SGIP1: variants seen among roughly 807,000 people sequenced by gnomAD.
The protein encoded by SGIP1 is SH3GL interacting endocytic adaptor 1.
Under a neutral mutation model 107.5 loss-of-function variants are expected in SGIP1, and 38 were observed. The ratio of observed to expected loss-of-function variants is 0.35; its 90% CI spans 0.27 to 0.46. SGIP1 has a LOEUF of 0.46. SGIP1 is among the 20% of genes least tolerant of loss of function. The probability of loss-of-function intolerance (pLI) is 1.00; values close to 1 mark genes in which losing one functional copy is unlikely to be tolerated. For synonymous variants in SGIP1, 365 were observed against 366.1 expected (o/e 1.00, Z 0.03); for missense variants, 929 against 1,019.5 (o/e 0.91, Z 1.21).
At position 66,744,287 on chromosome 1, in the gene SGIP1, C is replaced by T. The variant is rs965712205; in HGVS notation, c.*1192C>T. 3 of 152,074 alleles carry T rather than the reference C, an allele frequency of 2.0e-5. No individual in the cohort carries two copies. The highest frequency in any genetic ancestry group is 2.9e-5 in the Non-Finnish European group (2 of 67,956). The allele number at this position is 152,074 out of a possible 1,614,324, so 9.4% of individuals were successfully genotyped here. A position where few individuals can be genotyped will look rare whatever the true frequency, so the allele number is the denominator to read the frequency against. On this transcript the variant is annotated 3_prime_UTR_variant, in exon 25 of 25. Coordinates refer to ENST00000371037, the MANE Select transcript of SGIP1 (RefSeq NM_032291.4). Reference sequence around the variant, plus strand: ...CATTGTATAAAACTGTAAATCTTTGCCATTCTTGGAGAAGCAAAAGGAGAG... The same window carrying T: ...CATTGTATAAAACTGTAAATCTTTGTCATTCTTGGAGAAGCAAAAGGAGAG...
chr1:66,695,591 G>C, intron 18 of SGIP1, 98 bp downstream of exon 18: 1 of 1,173,202 alleles, frequency 8.5e-7, no homozygotes. Context: ...CAAAAGTTCT[G>C]GTCTCACTTT....
rs1037159650 is a variant in SGIP1 at position 66,575,602 on chromosome 1, C to T, written c.10+41234C>T. On this transcript the variant is annotated intron_variant, in intron 1 of 24. Coordinates refer to ENST00000371037, the MANE Select transcript of SGIP1 (RefSeq NM_032291.4). Reference sequence around the variant, plus strand: ...GGGTCTTCAGGAAAGTCATGCTGGCCCACTGGGGTTCAGTTTTCACCAATA... The same window carrying T: ...GGGTCTTCAGGAAAGTCATGCTGGCTCACTGGGGTTCAGTTTTCACCAATA... Among the ~76,000 whole-genome samples the T allele has an allele frequency of 2.0e-5, 3 of 152,202 alleles. No homozygotes were observed. In the South Asian group the frequency reaches 6.2e-4, roughly 32 times the overall value.
At chr1:66,648,587 G>A (rs1249825958) in intron 7 of SGIP1, among the ~76,000 whole-genome samples, 1 of 152,102 alleles carries the variant, frequency 6.6e-6, no homozygotes, top group Non-Finnish European at 1.5e-5. Flanking sequence ...GAACAACACT[G>A]CGTTTGAGAG....
intron 1 of SGIP1, among the ~76,000 whole-genome samples, chr1:66,566,466 C>T (rs2059655543): frequency 6.6e-6 from 1 of 151,910 alleles, no homozygotes; most frequent in South Asian, 2.1e-4. Flanking sequence ...CTTTCTATCA[C>T]TTTTTGAGTA....
At chr1:66,587,772 C>T (rs1210813807) in intron 1 of SGIP1, among the ~76,000 whole-genome samples, 1 of 151,962 alleles carries the variant, frequency 6.6e-6, no homozygotes, top group Non-Finnish European at 1.5e-5. Context: ...CTTAAATAAG[C>T]CCACTTTTTC....
intron 1 of SGIP1, among the ~76,000 whole-genome samples, chr1:66,576,572 A>G (rs2061096669): frequency 1.3e-5 from 2 of 152,218 alleles, no homozygotes; most frequent in African/African-American, 4.8e-5. Flanking sequence ...CATTTTTCTT[A>G]TTACCTCAAC....
intron 1 of SGIP1, among the ~76,000 whole-genome samples, chr1:66,540,639 G>A (rs187470680): frequency 2.0e-5 from 3 of 152,196 alleles, no homozygotes; most frequent in Admixed American, 2.0e-4. Flanking sequence ...CAGTGGCAAT[G>A]TCATGGAATA....
At position 66,690,507 on chromosome 1, in the gene SGIP1, C is replaced by A. The variant is rs1255492637; in HGVS notation, c.1570+191C>A. The A allele has an allele frequency of 3.1e-5, 21 of 672,620 alleles. 1 individual carries two copies. 41.7% of individuals were successfully genotyped at this position (672,620 alleles called of 1,614,324 possible). A position where few individuals can be genotyped will look rare whatever the true frequency, so the allele number is the denominator to read the frequency against. ...AAAGTGCTTTACCTAAGCAAATGAACAAATAAAAGAACATTAACACCTGTG... is the reference window on the plus strand; with the variant it reads ...AAAGTGCTTTACCTAAGCAAATGAAAAAATAAAAGAACATTAACACCTGTG... On this transcript the variant is annotated intron_variant, in intron 17 of 24. Coordinates refer to ENST00000371037, the MANE Select transcript of SGIP1 (RefSeq NM_032291.4).
rs757414838 is a variant in SGIP1 at position 66,643,730 on chromosome 1, T to G, written c.459+11T>G. On this transcript the variant is annotated intron_variant, in intron 7 of 24. Coordinates refer to ENST00000371037, the MANE Select transcript of SGIP1 (RefSeq NM_032291.4). ...TCCCCATCACCAGTGGTGAGTGTTG[T>G]GTGTGTGTGTGTTAAGCTTTAGTGA... is the stretch of plus-strand genomic sequence containing the variant. 1 of 1,589,584 alleles carries G rather than the reference T, an allele frequency of 6.3e-7. No homozygotes were observed. Among genetic ancestry groups the G allele is most frequent in the Non-Finnish European group, 8.5e-7 (1 of 1,169,928 alleles).
At chr1:66,602,421 G>T (rs1163695129) in intron 1 of SGIP1, among the ~76,000 whole-genome samples, 1 of 152,092 alleles carries the variant, frequency 6.6e-6, no homozygotes, top group African/African-American at 2.4e-5. Flanking sequence ...ATCCACATGT[G>T]ACCATGATGG....
intron 1 of SGIP1, among the ~76,000 whole-genome samples, chr1:66,566,229 G>T (rs2059621804): frequency 6.6e-6 from 1 of 151,924 alleles, no homozygotes; most frequent in South Asian, 2.1e-4. Context: ...CAGTTTATTT[G>T]CTATTTGCAT....
At chr1:66,628,924 G>A (rs1246847197) in intron 2 of SGIP1, among the ~76,000 whole-genome samples, 2 of 152,192 alleles carry the variant, frequency 1.3e-5, no homozygotes, top group Non-Finnish European at 2.9e-5. Context: ...ATCAGTGATG[G>A]TCAAAGGACA....
intron 3 of SGIP1, chr1:66,634,046 C>CA (rs2075314961): frequency 6.5e-7 from 1 of 1,539,016 alleles, no homozygotes; most frequent in African/African-American, 1.4e-5. Context: ...ATTGATCAGA[C>CA]ATTGGGTAAC....
At chr1:66,607,624 G>A (rs981153415) in intron 1 of SGIP1, among the ~76,000 whole-genome samples, 3 of 152,134 alleles carry the variant, frequency 2.0e-5, no homozygotes, top group Non-Finnish European at 4.4e-5. Flanking sequence ...TCTGTGACAG[G>A]GGATTCTCCG....
intron 10 of SGIP1, 46 bp downstream of exon 10, chr1:66,671,065 A>G: frequency 9.7e-7 from 1 of 1,029,060 alleles, no homozygotes; most frequent in Non-Finnish European, 1.4e-6. Context: ...TTTAAAAGAA[A>G]GAACAGTTCC....
intron 1 of SGIP1, among the ~76,000 whole-genome samples, chr1:66,583,144 G>A (rs2062048398): frequency 6.6e-6 from 1 of 152,026 alleles, no homozygotes; most frequent in Admixed American, 6.6e-5. Flanking sequence ...ATATGTCTAT[G>A]CTATATAAAT....
rs111841122 is a variant in SGIP1, at chr1:66,646,894, G to C, written c.459+3175G>C. Among the ~76,000 whole-genome samples the C allele has an allele frequency of 6.0e-3, 918 of 152,230 alleles. 7 individuals carry two copies. Among genetic ancestry groups the C allele is most frequent in the South Asian group, 0.011 (55 of 4,822 alleles). On this transcript the variant is annotated intron_variant, in intron 7 of 24. Transcript: ENST00000371037. Reference sequence around the variant, plus strand: ...AGGCAGAGCACCAAAAAGGCAGAAGGCTAATGCAGGAGTTAACTCACAGGT... The same window carrying C: ...AGGCAGAGCACCAAAAAGGCAGAAGCCTAATGCAGGAGTTAACTCACAGGT...
At chr1:66,581,854 A>AC (rs2061871534) in intron 1 of SGIP1, among the ~76,000 whole-genome samples, 1 of 152,124 alleles carries the variant, frequency 6.6e-6, no homozygotes, top group African/African-American at 2.4e-5. Flanking sequence ...TTTTACTTCA[A>AC]CAAATGAAGA....
intron 17 of SGIP1, chr1:66,694,680 A>T (rs1257226634): frequency 2.3e-6 from 1 of 435,534 alleles, no homozygotes; most frequent in Non-Finnish European, 4.0e-6. Context: ...GAAAATTTTT[A>T]AGTGACTATA....
Sources: gnomAD v4.1 joint callset for allele counts (sites outside exome capture counted in the v4.1 genomes callset) on GRCh38, gnomAD v4.1.1 for gene constraint, MANE v1.5 for transcripts, NCBI Gene and HGNC (gene_info 2026-07-23, HGNC 2026-07-21) for gene names.